Variants in CMTM7 observed in about 807,000 individuals in gnomAD.
CMTM7 encodes the protein CKLF like MARVEL transmembrane domain containing 7.
In CMTM7, 7 loss-of-function variants were observed where a neutral mutation model predicts 19.3. The ratio of observed to expected loss-of-function variants is 0.36; its 90% CI spans 0.21 to 0.68. CMTM7 has a LOEUF of 0.68. Among genes scored for constraint, CMTM7 ranks in the 30% least tolerant of loss-of-function variants. The pLI, the probability that CMTM7 is intolerant of heterozygous loss-of-function variation, is 0.60. For synonymous variants in CMTM7, 87 were observed against 99.3 expected (o/e 0.88, Z 0.74); for missense variants, 193 against 232.6 (o/e 0.83, Z 1.11).
rs533484546 is a variant in CMTM7, at chr3:32,410,626, C to CAGAGAGGCTAGGATGCCTAGCAA, written c.159+18576_159+18598dup. On this transcript the variant is annotated intron_variant, in intron 1 of 4. Transcript: ENST00000334983. ...CGGGCCAAGAAGCTGGGAAAAGTCA[C>CAGAGAGGCTAGGATGCCTAGCAA]AGAGAGGCTAGGATGCCTAGCAAAG... 3.7e-3 allele frequency among the ~76,000 whole-genome samples: 571 copies of CAGAGAGGCTAGGATGCCTAGCAA among 152,302 alleles called. 5 individuals are homozygous for CAGAGAGGCTAGGATGCCTAGCAA. The highest frequency in any genetic ancestry group is 0.01 in the Middle Eastern group (3 of 294).
intron 1 of CMTM7, among the ~76,000 whole-genome samples, chr3:32,430,276 A>G (rs1254835425): frequency 2.0e-5 from 3 of 152,168 alleles, no homozygotes; most frequent in Non-Finnish European, 2.9e-5. Context: ...CTCATCTGCA[A>G]TCATTACATA....
chr3:32,424,845 C>T (rs777393157), intron 1 of CMTM7, among the ~76,000 whole-genome samples: 5 of 152,104 alleles, frequency 3.3e-5, no homozygotes, highest in Non-Finnish European at 5.9e-5. Flanking sequence ...GGGGTTTTGC[C>T]GTGTTGCCCA....
At chr3:32,411,726 A>G (rs897899304) in intron 1 of CMTM7, among the ~76,000 whole-genome samples, 44 of 152,178 alleles carry the variant, frequency 2.9e-4, no homozygotes, top group African/African-American at 1.1e-3. Flanking sequence ...GGTGTGTCTG[A>G]CCTTGCCACA....
At chr3:32,423,120 C>T (rs569620113) in intron 1 of CMTM7, among the ~76,000 whole-genome samples, 63 of 152,304 alleles carry the variant, frequency 4.1e-4, no homozygotes, top group African/African-American at 1.4e-3. Context: ...TGGGGGTTGG[C>T]TGCTGTCATC....
intron 2 of CMTM7, among the ~76,000 whole-genome samples, chr3:32,442,369 G>GGT (rs1456742736): frequency 6.6e-6 from 1 of 151,766 alleles, no homozygotes; most frequent in Admixed American, 6.6e-5. Flanking sequence ...CGTGGTGGCG[G>GGT]GTGCCTGTAG....
rs956613763 is a variant in CMTM7 at position 32,455,095 on chromosome 3, A to G, written c.*841A>G. 2 of 152,980 alleles carry G rather than the reference A, an allele frequency of 1.3e-5. No individual in the cohort carries two copies. The highest frequency in any genetic ancestry group is 2.9e-5 in the Non-Finnish European group (2 of 68,630). The allele number at this position is 152,980 out of a possible 1,614,324, so 9.5% of individuals were successfully genotyped here. A position where few individuals can be genotyped will look rare whatever the true frequency, so the allele number is the denominator to read the frequency against. Reference sequence around the variant, plus strand: ...CAATACCAATCTTCTCATTTTGGAAAGAGCTTTAGAGCAAGCTAAGGGTTG... The same window carrying G: ...CAATACCAATCTTCTCATTTTGGAAGGAGCTTTAGAGCAAGCTAAGGGTTG... On this transcript the variant is annotated 3_prime_UTR_variant, in exon 5 of 5. Coordinates refer to ENST00000334983, the MANE Select transcript of CMTM7 (RefSeq NM_138410.4).
intron 1 of CMTM7, among the ~76,000 whole-genome samples, chr3:32,395,961 A>G (rs1695908064): frequency 6.6e-6 from 1 of 152,262 alleles, no homozygotes; most frequent in African/African-American, 2.4e-5. Flanking sequence ...AGTCATAAAA[A>G]GGGAGAATGA....
chr3:32,400,720 A>G (rs185392487), intron 1 of CMTM7, among the ~76,000 whole-genome samples: 5 of 152,072 alleles, frequency 3.3e-5, no homozygotes, highest in Non-Finnish European at 1.5e-5. Flanking sequence ...TTTGTTTAGT[A>G]TGTGGTGCAT....
chr3:32,418,557 G>A (rs899595821), intron 1 of CMTM7, among the ~76,000 whole-genome samples: 4 of 152,100 alleles, frequency 2.6e-5, no homozygotes, highest in East Asian at 3.8e-4. Flanking sequence ...TCTGTGATCC[G>A]TTTTGAATTA....
chr3:32,419,439 T>G (rs945026183), intron 1 of CMTM7, among the ~76,000 whole-genome samples: 3 of 152,232 alleles, frequency 2.0e-5, no homozygotes, highest in African/African-American at 7.2e-5. Flanking sequence ...CATCTTTTCC[T>G]TGTTCCCTGT....
intron 1 of CMTM7, among the ~76,000 whole-genome samples, chr3:32,406,234 T>C (rs1247145771): frequency 6.6e-6 from 1 of 152,216 alleles, no homozygotes; most frequent in Non-Finnish European, 1.5e-5. Flanking sequence ...TTACTATATT[T>C]ATTTAACTAG....
intron 2 of CMTM7, among the ~76,000 whole-genome samples, chr3:32,444,994 T>G (rs776218153): frequency 1.1e-4 from 16 of 152,256 alleles, no homozygotes; most frequent in Non-Finnish European, 1.6e-4. Flanking sequence ...TTCTTAATTT[T>G]ATTTCCAGAT....
At position 32,432,447 on chromosome 3, in the gene CMTM7, T is replaced by C. The variant is rs560316883; in HGVS notation, c.160-9393T>C. On this transcript the variant is annotated intron_variant, in intron 1 of 4. Transcript: ENST00000334983. The stretch of plus-strand genomic sequence containing the variant: ...ATGCTGTTCACTTTTGGTGACCACA[T>C]GTCAATAACCAGTGGTGAGGCTGGG... 3.3e-5 allele frequency among the ~76,000 whole-genome samples: 5 copies of C among 152,326 alleles called. 1 individual carries two copies. In the South Asian group the frequency reaches 1.0e-3, roughly 32 times the overall value.
chr3:32,431,310 A>G (rs548213736), intron 1 of CMTM7, among the ~76,000 whole-genome samples: 1 of 152,342 alleles, frequency 6.6e-6, no homozygotes, highest in East Asian at 1.9e-4. Context: ...GTTATCTCTG[A>G]GGAGTAGCAT....
Position 32,391,855 on chromosome 3 carries a change from C to A in CMTM7, c.-52C>A. ...CCCGCCCCCGGCCCGCCCTCTGTATCTGGCCCCTGGGCAGCTGCCCGGGGA... is the reference window on the plus strand; with the variant it reads ...CCCGCCCCCGGCCCGCCCTCTGTATATGGCCCCTGGGCAGCTGCCCGGGGA... On this transcript the variant is annotated 5_prime_UTR_variant, in exon 1 of 5. In the 5' UTR this introduces an upstream ATG that the reference lacks. Coordinates refer to ENST00000334983, the MANE Select transcript of CMTM7 (RefSeq NM_138410.4). 1.8e-6 allele frequency: 2 copies of A among 1,094,566 alleles called. No homozygotes were observed. The highest frequency in any genetic ancestry group is 3.8e-5 in the East Asian group (1 of 26,518). 67.8% of individuals were successfully genotyped at this position (1,094,566 alleles called of 1,614,324 possible). A position where few individuals can be genotyped will look rare whatever the true frequency, so the allele number is the denominator to read the frequency against.
intron 1 of CMTM7, among the ~76,000 whole-genome samples, chr3:32,428,394 A>G (rs1467879570): frequency 6.6e-6 from 1 of 152,146 alleles, no homozygotes; most frequent in Non-Finnish European, 1.5e-5. Context: ...GGGGTACCTC[A>G]TGGAGGAGAA....
chr3:32,424,571 C>T (rs1025017739), intron 1 of CMTM7, among the ~76,000 whole-genome samples: 1 of 152,114 alleles, frequency 6.6e-6, no homozygotes, highest in Non-Finnish European at 1.5e-5. Flanking sequence ...TTCAGAATAT[C>T]TGGTTGCAGG....
intron 1 of CMTM7, among the ~76,000 whole-genome samples, chr3:32,435,723 G>A (rs930439509): frequency 1.3e-5 from 2 of 152,186 alleles, no homozygotes; most frequent in Admixed American, 1.3e-4. Flanking sequence ...GTAATGCCAA[G>A]GTTGAGAAAC....
At chr3:32,434,468 A>T (rs201838927) in intron 1 of CMTM7, among the ~76,000 whole-genome samples, 161 of 114,108 alleles carry the variant, frequency 1.4e-3, no homozygotes, top group African/African-American at 2.7e-3. Flanking sequence ...GGCCAATTTT[A>T]AAAATTTTTT....
Sources: allele counts gnomAD v4.1 joint callset (sites outside exome capture counted in the v4.1 genomes callset), GRCh38; gene constraint gnomAD v4.1.1; transcripts MANE v1.5; gene names NCBI Gene and HGNC (gene_info 2026-07-23, HGNC 2026-07-21).